Variants in PSIP1 observed in about 807,000 individuals in gnomAD.
PSIP1 encodes PC4 and SRSF1 interacting protein 1, also known as PC4 and SFRS1-interacting protein.
Under a neutral mutation model 74.7 loss-of-function variants are expected in PSIP1, and 19 were observed. The observed-to-expected ratio is 0.25, with a 90% CI of 0.18 to 0.37. The LOEUF is 0.37. PSIP1 is among the 10% of genes least tolerant of loss of function. The pLI is 1.00. For synonymous variants in PSIP1, 222 were observed against 195.3 expected (o/e 1.14, Z -1.14); for missense variants, 601 against 614.3 (o/e 0.98, Z 0.23).
chr9:15,485,414 T>A (rs1207896515), intron 6 of PSIP1, among the ~76,000 whole-genome samples: 2 of 152,226 alleles, frequency 1.3e-5, no homozygotes, highest in Non-Finnish European at 2.9e-5. Flanking sequence ...TTTCATAGTT[T>A]ACCTCCTCAT....
At position 15,473,915 on chromosome 9, in the gene PSIP1, C is replaced by CAAAAAAAAAAAA. The variant is rs386414512; in HGVS notation, c.858+93_858+94insTTTTTTTTTTTT. The stretch of plus-strand genomic sequence containing the variant: ...GACTCCATCTCAAACAAAAAAAAAA[C>CAAAAAAAAAAAA]AAAAAAAAAAACAAAAAAAAAACAA... On this transcript the variant is annotated intron_variant, in intron 9 of 15. Transcript: ENST00000380733. 29 of 600,604 alleles carry CAAAAAAAAAAAA rather than the reference C, an allele frequency of 4.8e-5. No individual in the cohort carries two copies. The African/African-American group carries it at 4.9e-4, about 10-fold the overall frequency. 37.2% of individuals were successfully genotyped at this position (600,604 alleles called of 1,614,324 possible).
intron 9 of PSIP1, 123 bp from the exon 10 acceptor site, chr9:15,472,873 C>T (rs2035900998): frequency 2.3e-6 from 2 of 868,340 alleles, no homozygotes; most frequent in South Asian, 3.2e-5. Flanking sequence ...CTCAAATTAG[C>T]AACCTAAAAA....
chr9:15,503,570 G>C (rs535768953), intron 3 of PSIP1, among the ~76,000 whole-genome samples: 1 of 151,670 alleles, frequency 6.6e-6, no homozygotes, highest in East Asian at 1.9e-4. Context: ...GTTGAGATGG[G>C]AGGATCACTT....
chr9:15,501,469 A>T (rs1159260744), intron 3 of PSIP1, among the ~76,000 whole-genome samples: 1 of 152,152 alleles, frequency 6.6e-6, no homozygotes, highest in African/African-American at 2.4e-5. Context: ...TAAGATCTAA[A>T]TGACTTCAAA....
chr9:15,471,669 G>A lies in PSIP1; in HGVS notation c.977+963C>T, dbSNP rs180726399. ...TAAGTTATTTAAATTACTCCCTCAA[G>A]GAGCTAAAACTACTTGTATATCCTC... On this transcript the variant is annotated intron_variant, in intron 10 of 15. Coordinates refer to ENST00000380733, the MANE Select transcript of PSIP1 (RefSeq NM_033222.5). The A allele has an allele frequency of 8.6e-5, 82 of 956,592 alleles. No homozygotes were observed. In the African/African-American group the frequency reaches 1.3e-3, roughly 16 times the overall value. The allele number at this position is 956,592 out of a possible 1,614,324, so 59.3% of individuals were successfully genotyped here. A position where few individuals can be genotyped will look rare whatever the true frequency, so the allele number is the denominator to read the frequency against.
intron 8 of PSIP1, among the ~76,000 whole-genome samples, chr9:15,476,136 C>T (rs970562983): frequency 3.9e-5 from 6 of 152,140 alleles, no homozygotes; most frequent in African/African-American, 1.4e-4. Context: ...TGCCCAGATA[C>T]ACAGCCAAGA....
intron 3 of PSIP1, among the ~76,000 whole-genome samples, chr9:15,503,298 T>C: frequency 6.6e-6 from 1 of 151,690 alleles, no homozygotes; most frequent in South Asian, 2.1e-4. Flanking sequence ...ATCTCAGAGG[T>C]GGAGGTTGCA....
rs200694835 is a variant in PSIP1 at position 15,510,200 on chromosome 9, G to A, written c.-12C>T. On this transcript the variant is annotated 5_prime_UTR_variant, in exon 2 of 16. Transcript: ENST00000380733. Reference sequence around the variant, plus strand: ...AAATCGCGAGTCATGTTTCGGGGGCGAGACCGGGGGTCCGAAGCCCGGGAG... The same window carrying A: ...AAATCGCGAGTCATGTTTCGGGGGCAAGACCGGGGGTCCGAAGCCCGGGAG... 1 of 1,601,054 alleles carries A rather than the reference G, an allele frequency of 6.2e-7. No homozygotes were observed. The highest frequency in any genetic ancestry group is 1.4e-5 in the African/African-American group (1 of 73,084).
At chr9:15,488,112 C>CCT (rs2036634926) in intron 4 of PSIP1, among the ~76,000 whole-genome samples, 4 of 151,946 alleles carry the variant, frequency 2.6e-5, no homozygotes, top group Non-Finnish European at 5.9e-5. Flanking sequence ...GGGTGGATCA[C>CCT]GAGGTCAGGA....
At chr9:15,490,703 AAAG>A in intron 3 of PSIP1, among the ~76,000 whole-genome samples, 1 of 151,654 alleles carries the variant, frequency 6.6e-6, no homozygotes, top group Non-Finnish European at 1.5e-5. Context: ...AAAAAAAAAA[AAAG>A]GTTAATTCAA....
rs200766985 is a variant in PSIP1 at position 15,468,122 on chromosome 9, T to TAA, written c.1420+507_1420+508insTT. 1.1e-3 allele frequency among the ~76,000 whole-genome samples: 83 copies of TAA among 77,574 alleles called. 1 individual carries two copies. The highest frequency in any genetic ancestry group is 5.7e-3 in the Middle Eastern group (1 of 174). 50.9% of individuals were successfully genotyped at this position (77,574 alleles called of 152,430 possible). A position where few individuals can be genotyped will look rare whatever the true frequency, so the allele number is the denominator to read the frequency against. ...GACAACAAGAGCGAAACTCCATCTT[T>TAA]TAAAAAAAAAAAAAAAAAAGGACAT... is the stretch of plus-strand genomic sequence containing the variant. On this transcript the variant is annotated intron_variant, in intron 14 of 15. Transcript: ENST00000380733.
intron 10 of PSIP1, chr9:15,471,925 T>C: frequency 2.0e-6 from 2 of 981,108 alleles, no homozygotes; most frequent in Non-Finnish European, 2.4e-6. Context: ...GAAAAGCATG[T>C]CAGAGAAAGA....
intron 4 of PSIP1, chr9:15,489,265 C>G (rs1467053431): frequency 6.6e-6 from 1 of 152,094 alleles, no homozygotes; most frequent in African/African-American, 2.4e-5. Context: ...ACATTTGTCA[C>G]ATACCAATTT....
chr9:15,510,063 G>A (rs1026441646), intron 2 of PSIP1, 54 bp downstream of exon 2: 8 of 1,497,490 alleles, frequency 5.3e-6, no homozygotes, highest in South Asian at 3.6e-5. Flanking sequence ...GTGGGCAGCA[G>A]GCCTCTGGAG....
chr9:15,506,910 A>T lies in PSIP1; in HGVS notation c.73-273T>A, dbSNP rs1008226243. ...TTTCCACTGTTGTTTCTTTGCAGAC[A>T]TATTATTATGTGCTATTCCAGACCG... On this transcript the variant is annotated intron_variant, in intron 2 of 15. Transcript: ENST00000380733. 2.6e-5 allele frequency among the ~76,000 whole-genome samples: 4 copies of T among 152,222 alleles called. No individual in the cohort carries two copies. The East Asian group carries it at 7.7e-4, about 29-fold the overall frequency.
chr9:15,487,761 T>A (rs1175667216), intron 4 of PSIP1, among the ~76,000 whole-genome samples: 1 of 152,192 alleles, frequency 6.6e-6, no homozygotes, highest in Non-Finnish European at 1.5e-5. Context: ...GCTATTCTTC[T>A]CACACGTGTA....
At chr9:15,496,759 T>C (rs2037093625) in intron 3 of PSIP1, among the ~76,000 whole-genome samples, 1 of 152,226 alleles carries the variant, frequency 6.6e-6, no homozygotes, top group Non-Finnish European at 1.5e-5. Flanking sequence ...AAAAGACTTT[T>C]ACAAATGTAA....
intron 8 of PSIP1, among the ~76,000 whole-genome samples, chr9:15,476,129 C>A (rs2036065718): frequency 6.6e-6 from 1 of 152,060 alleles, no homozygotes; most frequent in African/African-American, 2.4e-5. Flanking sequence ...GAGTGTGTGC[C>A]CAGATACACA....
intron 7 of PSIP1, 109 bp from the exon 8 acceptor site, chr9:15,478,661 TTATTACAG>T (rs1381803471): frequency 1.4e-6 from 1 of 712,002 alleles, no homozygotes; most frequent in Non-Finnish European, 2.4e-6. Flanking sequence ...TATTAGTAGC[TTATTACAG>T]ATACAATTAT....
Sources: gnomAD v4.1 joint callset for allele counts (sites outside exome capture counted in the v4.1 genomes callset) on GRCh38, gnomAD v4.1.1 for gene constraint, MANE v1.5 for transcripts, NCBI Gene and HGNC (gene_info 2026-07-23, HGNC 2026-07-21) for gene names.